The following RNF11 variants were observed in gnomAD, a reference collection of about 807,000 sequenced individuals.
RNF11 encodes the protein ring finger protein 11.
A neutral mutation model predicts 15.8 loss-of-function variants in RNF11; 4 were observed. The observed-to-expected ratio is 0.25, with a 90% CI of 0.12 to 0.58. The LOEUF is 0.58. Ranked by LOEUF, RNF11 falls within the 20% of genes least tolerant of loss-of-function variation. The pLI is 0.91. For missense variants in RNF11, 139 were observed against 194.4 expected (o/e 0.71, Z 1.70); for synonymous variants, 68 against 72.3 (o/e 0.94, Z 0.30).
chr1:51,251,291 G>A (rs974724970), intron 1 of RNF11: 7 of 1,448,216 alleles, frequency 4.8e-6, no homozygotes, highest in Non-Finnish European at 6.7e-6. Context: ...CCAGCTTGGT[G>A]ACGGGCATCC....
chr1:51,244,861 G>A (rs1260072139), intron 1 of RNF11, among the ~76,000 whole-genome samples: 2 of 152,162 alleles, frequency 1.3e-5, no homozygotes, highest in Admixed American at 6.5e-5. Context: ...GCATCACTAA[G>A]AGTAAGATAG....
intron 1 of RNF11, among the ~76,000 whole-genome samples, chr1:51,246,858 G>A (rs533415495): frequency 4.2e-4 from 64 of 151,580 alleles, no homozygotes; most frequent in African/African-American, 1.5e-3. Context: ...TGTGCCTGTG[G>A]TCCCAGTTAA....
At position 51,236,498 on chromosome 1, in the gene RNF11, G is replaced by GCC. The variant is rs1157167039; in HGVS notation, c.-247_-246dup. 6 of 80,694 alleles carry GCC rather than the reference G, an allele frequency of 7.4e-5. No individual in the cohort carries two copies. Among genetic ancestry groups the GCC allele is most frequent in the East Asian group, 6.0e-4 (1 of 1,672 alleles). 5.0% of individuals were successfully genotyped at this position (80,694 alleles called of 1,614,324 possible). A position where few individuals can be genotyped will look rare whatever the true frequency, so the allele number is the denominator to read the frequency against. ...GGGTGGGGAAGTGCTTCGTCTCCCC[G>GCC]CCCCCCCCCCCCCATCGCTGCCTCG... is the stretch of plus-strand genomic sequence containing the variant. On this transcript the variant is annotated 5_prime_UTR_variant, in exon 1 of 3. Coordinates refer to ENST00000242719, the MANE Select transcript of RNF11 (RefSeq NM_014372.5).
chr1:51,245,246 C>T (rs551493852), intron 1 of RNF11, among the ~76,000 whole-genome samples: 3 of 150,702 alleles, frequency 2.0e-5, no homozygotes, highest in South Asian at 4.2e-4. Flanking sequence ...TTTGTAGAGA[C>T]GGGTCAAGCA....
Sources: gnomAD v4.1 joint callset for allele counts (sites outside exome capture counted in the v4.1 genomes callset) on GRCh38, gnomAD v4.1.1 for gene constraint, MANE v1.5 for transcripts, NCBI Gene and HGNC (gene_info 2026-07-23, HGNC 2026-07-21) for gene names.